NBPF20: variants seen among roughly 807,000 people sequenced by gnomAD.
NBPF20 encodes NBPF family member NBPF20.
NBPF20 carries 90 observed loss-of-function variants against 68.1 expected under a neutral mutation model. That is an observed-to-expected ratio of 1.32 (90% CI 1.11 to 1.58). The LOEUF is 1.58. NBPF20 is among the 40% of genes most tolerant of loss of function. NBPF20 has a pLI of 0.00. For synonymous variants in NBPF20, 290 were observed against 228.1 expected, an observed-to-expected ratio of 1.27 and a Z score of -2.45; for missense variants, 816 against 601.2, an observed-to-expected ratio of 1.36 and a Z score of -3.74.
the NBPF20 span, among the ~76,000 whole-genome samples, chr1:145,416,230 A>C: frequency 1.4e-5 from 2 of 140,988 alleles, no homozygotes; most frequent in Middle Eastern, 3.6e-3. Context: ...ATTTTAAAAA[A>C]TTCCTTTTCT....
At chr1:145,415,109 T>C in the NBPF20 span, among the ~76,000 whole-genome samples, 1 of 151,850 alleles carries the variant, frequency 6.6e-6, no homozygotes, top group Non-Finnish European at 1.5e-5. Context: ...AGGATAATAG[T>C]GGAGAGAAGA....
At chr1:145,410,024 G>A (rs1558984956), upstream of NBPF20, among the ~76,000 whole-genome samples, 2 of 151,968 alleles carry the variant, frequency 1.3e-5, no homozygotes, top group Non-Finnish European at 2.9e-5. Flanking sequence ...AGATCATTGT[G>A]CAGACACAGT....
the NBPF20 span, among the ~76,000 whole-genome samples, chr1:145,410,734 C>CTG: frequency 7.8e-6 from 1 of 128,796 alleles, no homozygotes; most frequent in Non-Finnish European, 1.6e-5. Flanking sequence ...GTGTGCCTGT[C>CTG]TGTGTATATA....
chr1:145,334,821 CA>C (rs1661556635), intron 83 of NBPF20, among the ~76,000 whole-genome samples, 190 bp from the exon 89 acceptor site: 1 of 136,042 alleles, frequency 7.4e-6, no homozygotes, highest in Non-Finnish European at 1.7e-5. Context: ...AAGAGAAAGA[CA>C]GGGAGAGGGA....
chr1:145,400,661 C>G lies in NBPF20; in HGVS notation c.567-67G>C. 5 of 1,561,612 alleles carry G rather than the reference C, an allele frequency of 3.2e-6. No homozygotes were observed. The South Asian group carries it at 4.4e-5, about 14-fold the overall frequency. The stretch of plus-strand genomic sequence containing the variant: ...CAGAGGGATTGGACCCCAGGGAGTC[C>G]TAGCTGGTTTTGACAGGCGGCATTA... On this transcript the variant is annotated intron_variant, in intron 5 of 137. Coordinates refer to ENST00000369373, the Ensembl canonical transcript of NBPF20.
At position 145,291,771 on chromosome 1, in the gene NBPF20, T is replaced by G. The variant is rs782309330; in HGVS notation, c.16698-2A>C. On this transcript the variant is annotated splice_acceptor_variant, in intron 137 of 137. Transcript: ENST00000369373. LOFTEE classifies it high-confidence loss of function. ...ACTTCCATCAGCACGCCGTTGAGCC[T>G]GGAAAAGGAGACAAAACTAAAGAAG... 3.1e-6 allele frequency: 5 copies of G among 1,611,370 alleles called. No homozygotes were observed. Among genetic ancestry groups the G allele is most frequent in the Non-Finnish European group, 4.2e-6 (5 of 1,179,834 alleles).
At chr1:145,400,549 C>T (rs1207777256) in exon 6 of NBPF20, 2 of 1,612,570 alleles carry the variant, frequency 1.2e-6, no homozygotes, top group Non-Finnish European at 1.7e-6. Context: ...CACATTCCTC[C>T]TGTGAGTCCT....
chr1:145,390,182 G>A, intron 13 of NBPF20, 66 bp from the exon 19 acceptor site: 1 of 15,978 alleles, frequency 6.3e-5, no homozygotes, highest in South Asian at 3.1e-4. Context: ...CCCCAACTAG[G>A]TTTCATGGGT....
At chr1:145,419,533 T>C in the NBPF20 span, among the ~76,000 whole-genome samples, 1 of 152,118 alleles carries the variant, frequency 6.6e-6, no homozygotes, top group Non-Finnish European at 1.5e-5. Context: ...GGCCGCAACC[T>C]TTCCTGCTGC....
intron 10 of NBPF20, among the ~76,000 whole-genome samples, chr1:145,392,864 G>T (rs1661976888): frequency 1.0e-5 from 1 of 97,008 alleles, no homozygotes; most frequent in East Asian, 5.7e-4. Context: ...CACAGGCATG[G>T]CCTGAGACTA....
chr1:145,400,963 G>A, intron 5 of NBPF20, 96 bp downstream of exon 10: 1 of 1,477,366 alleles, frequency 6.8e-7, no homozygotes, highest in Non-Finnish European at 9.4e-7. Context: ...AGCAAATGTG[G>A]GTTTTTGGCC....
At chr1:145,393,569 A>T (rs1485785798) in intron 9 of NBPF20, among the ~76,000 whole-genome samples, 5 of 152,114 alleles carry the variant, frequency 3.3e-5, no homozygotes, top group African/African-American at 9.7e-5. Context: ...CTCTCAGGAC[A>T]CACTGTGAAC....
chr1:145,408,263 A>AC (rs1459205870), upstream of NBPF20: 1 of 155,976 alleles, frequency 6.4e-6, no homozygotes, highest in Non-Finnish European at 1.5e-5. Context: ...AGGAGTCATT[A>AC]CCCCACACAC....
chr1:145,404,349 G>C (rs1662668647), intron 2 of NBPF20, among the ~76,000 whole-genome samples: 2 of 151,888 alleles, frequency 1.3e-5, no homozygotes, highest in Admixed American at 1.3e-4. Context: ...ACATCTGCCT[G>C]CTGGGTTCAA....
intron 10 of NBPF20, among the ~76,000 whole-genome samples, chr1:145,392,706 A>T (rs1196351668): frequency 1.9e-5 from 1 of 52,010 alleles, no homozygotes; most frequent in Non-Finnish European, 3.0e-5. Flanking sequence ...TCAAATACTC[A>T]GATTGTTCAT....
chr1:145,402,474 G>A (rs1338445953), intron 3 of NBPF20, 93 bp from the exon 9 acceptor site: 13 of 1,416,222 alleles, frequency 9.2e-6, no homozygotes, highest in East Asian at 2.3e-5. Context: ...ATGTCCTCAA[G>A]GAGACCTCGA....
At chr1:145,424,354 G>A in the NBPF20 span, among the ~76,000 whole-genome samples, 2 of 151,880 alleles carry the variant, frequency 1.3e-5, no homozygotes, top group African/African-American at 2.4e-5. Flanking sequence ...AAAGTTCTCA[G>A]AAATCTTAAA....
chr1:145,291,343 G>T, exon 138 of NBPF20: 4 of 1,144,252 alleles, frequency 3.5e-6, no homozygotes, highest in Middle Eastern at 3.0e-4. Context: ...ACCTAACGTG[G>T]GTCCATTGTC....
intron 36 of NBPF20, among the ~76,000 whole-genome samples, 161 bp downstream of exon 41, chr1:145,372,350 CT>C (rs1482532104): frequency 1.8e-5 from 1 of 56,846 alleles, no homozygotes; most frequent in East Asian, 6.7e-4. Flanking sequence ...CATGTCTAGG[CT>C]TCCAACTGAG....
Sources: gnomAD v4.1 joint callset for allele counts (sites outside exome capture counted in the v4.1 genomes callset) on GRCh38, gnomAD v4.1.1 for gene constraint, MANE v1.5 for transcripts, NCBI Gene and HGNC (gene_info 2026-07-23, HGNC 2026-07-21) for gene names.